The following RBMS1 variants were observed in gnomAD, a reference collection of about 807,000 sequenced individuals.
RBMS1 encodes RNA-binding motif, single-stranded-interacting protein 1.
Under a neutral mutation model 62.3 loss-of-function variants are expected in RBMS1, and 17 were observed. The observed-to-expected ratio is 0.27, with a 90% CI of 0.19 to 0.41. The LOEUF (loss-of-function observed/expected upper bound fraction) is 0.41, where lower values mean the gene tolerates loss of function less well. Among genes scored for constraint, RBMS1 ranks in the 10% least tolerant of loss-of-function variants. RBMS1 has a pLI of 1.00. For missense variants in RBMS1, 334 were observed against 504.5 expected (o/e 0.66, Z 3.24); for synonymous variants, 172 against 170.0 (o/e 1.01, Z -0.09).
At chr2:160,352,564 G>A (rs1420644721) in intron 2 of RBMS1, among the ~76,000 whole-genome samples, 1 of 152,138 alleles carries the variant, frequency 6.6e-6, no homozygotes, top group African/African-American at 2.4e-5. Flanking sequence ...GTTGCTTCAA[G>A]TGCTGACACT....
intron 12 of RBMS1, 21 bp from the exon 13 acceptor site, chr2:160,275,735 T>A (rs759589675): frequency 6.2e-7 from 1 of 1,613,510 alleles, no homozygotes; most frequent in Non-Finnish European, 8.5e-7. Context: ...CAAAGCAGAA[T>A]GGATGAGACA....
chr2:160,470,093 G>A (rs1286263452), intron 1 of RBMS1, among the ~76,000 whole-genome samples: 1 of 151,882 alleles, frequency 6.6e-6, no homozygotes, highest in Non-Finnish European at 1.5e-5. Context: ...ACAAATGCAA[G>A]CTGGTGTTCT....
chr2:160,363,891 G>C (rs1693260319), intron 2 of RBMS1, among the ~76,000 whole-genome samples: 1 of 152,032 alleles, frequency 6.6e-6, no homozygotes, highest in Non-Finnish European at 1.5e-5. Flanking sequence ...AGTTGAGCAG[G>C]AGAGGGATGA....
intron 1 of RBMS1, among the ~76,000 whole-genome samples, chr2:160,478,579 T>C (rs776268399): frequency 2.0e-5 from 3 of 152,250 alleles, no homozygotes; most frequent in Admixed American, 6.5e-5. Context: ...CTTTGAAATA[T>C]GTAAATGAAC....
intron 1 of RBMS1, among the ~76,000 whole-genome samples, chr2:160,373,524 C>G (rs931597359): frequency 6.6e-6 from 1 of 152,144 alleles, no homozygotes; most frequent in African/African-American, 2.4e-5. Context: ...CTTCTAAGAA[C>G]TCCAGCGACT....
intron 1 of RBMS1, among the ~76,000 whole-genome samples, chr2:160,395,571 C>G (rs1037410565): frequency 2.1e-5 from 3 of 144,634 alleles, no homozygotes; most frequent in Non-Finnish European, 3.0e-5. Context: ...TTGCAGTGAG[C>G]TGAGATCGCG....
chr2:160,466,107 C>T (rs948903814), intron 1 of RBMS1, among the ~76,000 whole-genome samples: 1 of 152,110 alleles, frequency 6.6e-6, no homozygotes, highest in African/African-American at 2.4e-5. Flanking sequence ...AAGTGAGTTA[C>T]ATTATGTCTG....
At chr2:160,349,959 A>C (rs1212801422) in intron 2 of RBMS1, among the ~76,000 whole-genome samples, 1 of 151,978 alleles carries the variant, frequency 6.6e-6, no homozygotes, top group Non-Finnish European at 1.5e-5. Context: ...GATATGAAGG[A>C]ACAAGTCAGA....
chr2:160,399,674 C>T (rs761103643), intron 1 of RBMS1, among the ~76,000 whole-genome samples: 3 of 152,042 alleles, frequency 2.0e-5, no homozygotes, highest in Non-Finnish European at 2.9e-5. Context: ...ACTGAGAATA[C>T]AAAATAGAGC....
intron 4 of RBMS1, among the ~76,000 whole-genome samples, chr2:160,311,232 C>CTCTCTCTCTCTCTCTCTCTA (rs1553505424): frequency 1.3e-3 from 103 of 79,208 alleles, no homozygotes; most frequent in East Asian, 3.5e-3. Context: ...ATCTATCTAT[C>CTCTCTCTCTCTCTCTCTCTA]TATATATATA....
intron 1 of RBMS1, among the ~76,000 whole-genome samples, chr2:160,416,599 G>T (rs968479372): frequency 2.0e-5 from 3 of 152,038 alleles, no homozygotes; most frequent in Non-Finnish European, 4.4e-5. Flanking sequence ...CCCCTGCCCC[G>T]CCACCAGTGC....
At chr2:160,405,923 G>T (rs888353289) in intron 1 of RBMS1, among the ~76,000 whole-genome samples, 4 of 152,102 alleles carry the variant, frequency 2.6e-5, no homozygotes, top group Non-Finnish European at 5.9e-5. Context: ...GGGGAGGAGG[G>T]GTTGCAAGGG....
chr2:160,332,030 GA>G (rs1691304849), intron 2 of RBMS1, among the ~76,000 whole-genome samples: 1 of 152,150 alleles, frequency 6.6e-6, no homozygotes, highest in Non-Finnish European at 1.5e-5. Context: ...TTCTTTTTAA[GA>G]AAGAGTGATA....
intron 1 of RBMS1, among the ~76,000 whole-genome samples, chr2:160,457,711 G>C (rs1016541871): frequency 6.6e-6 from 1 of 152,144 alleles, no homozygotes; most frequent in Non-Finnish European, 1.5e-5. Flanking sequence ...ACAGACCAGA[G>C]ATTGCTAAAT....
intron 2 of RBMS1, among the ~76,000 whole-genome samples, chr2:160,358,476 C>G (rs1006320403): frequency 5.3e-5 from 8 of 152,018 alleles, no homozygotes; most frequent in African/African-American, 1.7e-4. Flanking sequence ...ATAACAGAAG[C>G]AAGCCAAGTT....
Position 160,275,679 on chromosome 2 carries a change from C to T in RBMS1, c.1179G>A (p.Thr393=), listed in dbSNP as rs149817229. Residue 393 remains threonine (T), a synonymous_variant, in exon 13 of 14, where the codon ACG becomes ACA. Transcript: ENST00000348849. Reference sequence around the variant, plus strand: ...AGGTATATGGAGAATGGTCATTAGACGTCTCGACAGCCACCTGCTGTTGAC... The same window carrying T: ...AGGTATATGGAGAATGGTCATTAGATGTCTCGACAGCCACCTGCTGTTGAC... ...ASGQQQVAVE[T]SNDHSPYTFQ... The T allele has an allele frequency of 6.7e-4, 1,082 of 1,613,818 alleles. 11 individuals carry two copies. In the South Asian group the frequency reaches 7.4e-3, roughly 11 times the overall value.
At chr2:160,301,802 C>T (rs985455630) in intron 5 of RBMS1, among the ~76,000 whole-genome samples, 3 of 152,168 alleles carry the variant, frequency 2.0e-5, no homozygotes, top group African/African-American at 7.2e-5. Context: ...TGGAAAAGTT[C>T]CCTTTTTTGT....
intron 1 of RBMS1, among the ~76,000 whole-genome samples, chr2:160,382,591 T>G (rs1694333858): frequency 6.6e-6 from 1 of 152,206 alleles, no homozygotes; most frequent in South Asian, 2.1e-4. Context: ...CACTTTGGGA[T>G]CCTCCTGCCT....
intron 1 of RBMS1, among the ~76,000 whole-genome samples, chr2:160,378,616 A>AT (rs372675122): frequency 0.062 from 7,956 of 128,000 alleles, 328 homozygotes; most frequent in African/African-American, 0.12. Flanking sequence ...GACTCTATCT[A>AT]TAAAAAAAAA....
Sources: allele counts gnomAD v4.1 joint callset (sites outside exome capture counted in the v4.1 genomes callset), GRCh38; gene constraint gnomAD v4.1.1; transcripts MANE v1.5; gene names NCBI Gene and HGNC (gene_info 2026-07-23, HGNC 2026-07-21).